The following SYT16 variants were observed in gnomAD, a reference collection of about 807,000 sequenced individuals.
SYT16 encodes synaptotagmin 16, also known as synaptotagmin-16.
Under a neutral mutation model 61.4 loss-of-function variants are expected in SYT16, and 42 were observed. The observed-to-expected ratio is 0.68, with a 90% confidence interval of 0.53 to 0.89. The LOEUF is 0.89. Ranked by LOEUF, SYT16 falls within the 40% of genes least tolerant of loss-of-function variation. SYT16 has a pLI of 0.00. For missense variants in SYT16, 804 were observed against 807.3 expected (o/e 1.00, Z 0.05); for synonymous variants, 314 against 302.3 (o/e 1.04, Z -0.40).
At chr14:62,033,425 A>C (rs1293315526) in intron 3 of SYT16, among the ~76,000 whole-genome samples, 1 of 152,122 alleles carries the variant, frequency 6.6e-6, no homozygotes, top group Non-Finnish European at 1.5e-5. Context: ...ATCAAAGGGA[A>C]TATTACTTGG....
At position 62,105,107 on chromosome 14, in the gene SYT16, G is replaced by C. The variant is rs989309494; in HGVS notation, c.*4400G>C. ...GACAGCCTAATCAGAGATAAGCCTG[G>C]TATGTGGAGGAAATTGAGCCTTAAT... is the stretch of plus-strand genomic sequence containing the variant. On this transcript the variant is annotated 3_prime_UTR_variant, in exon 8 of 8. Coordinates refer to ENST00000683842, the MANE Select transcript of SYT16 (RefSeq NM_001367656.1). 6.6e-5 allele frequency: 10 copies of C among 152,200 alleles called. No homozygotes were observed. Among genetic ancestry groups the C allele is most frequent in the African/African-American group, 2.4e-4 (10 of 41,458 alleles). The allele number at this position is 152,200 out of a possible 1,614,324, so 9.4% of individuals were successfully genotyped here.
intron 2 of SYT16, among the ~76,000 whole-genome samples, chr14:61,984,623 T>A (rs1212056554): frequency 6.6e-6 from 1 of 152,174 alleles, no homozygotes; most frequent in Non-Finnish European, 1.5e-5. Flanking sequence ...GTATTTGCTG[T>A]TCCTCAGTAA....
intron 3 of SYT16, among the ~76,000 whole-genome samples, chr14:62,059,431 A>G (rs999319158): frequency 1.4e-4 from 21 of 151,976 alleles, no homozygotes; most frequent in East Asian, 1.9e-4. Context: ...TATAAATTCT[A>G]GATAGAAGCC....
chr14:62,030,033 G>A (rs2054255046), intron 3 of SYT16, among the ~76,000 whole-genome samples: 2 of 152,114 alleles, frequency 1.3e-5, no homozygotes, highest in South Asian at 4.1e-4. Flanking sequence ...AACAGCAGCT[G>A]GTAGCTGACC....
At chr14:61,958,120 G>A (rs565437671) in intron 1 of SYT16, among the ~76,000 whole-genome samples, 66 of 151,374 alleles carry the variant, frequency 4.4e-4, no homozygotes, top group African/African-American at 1.5e-3. Flanking sequence ...TTTAATTGTA[G>A]GTTCAGTTGT....
chr14:62,080,038 C>T (rs964271767), intron 5 of SYT16, among the ~76,000 whole-genome samples: 1 of 152,238 alleles, frequency 6.6e-6, no homozygotes, highest in Non-Finnish European at 1.5e-5. Context: ...TTAAGCTAGA[C>T]TACCGAGAGG....
intron 1 of SYT16, among the ~76,000 whole-genome samples, chr14:61,930,784 G>A (rs907816802): frequency 6.6e-6 from 1 of 152,058 alleles, no homozygotes; most frequent in African/African-American, 2.4e-5. Flanking sequence ...TCAGAGTAAT[G>A]TGATATAAGA....
At chr14:61,999,720 G>T (rs2052915856) in intron 3 of SYT16, among the ~76,000 whole-genome samples, 1 of 151,406 alleles carries the variant, frequency 6.6e-6, no homozygotes, top group Non-Finnish European at 1.5e-5. Flanking sequence ...CAATGCTTTA[G>T]CTGTATCTAA....
rs117706779 is a variant in SYT16, at chr14:62,044,070, A to T, written c.524-25533A>T. Among the ~76,000 whole-genome samples, 14 of 152,208 alleles carry T rather than the reference A, an allele frequency of 9.2e-5. No individual in the cohort carries two copies. The East Asian group carries it at 2.3e-3, about 25-fold the overall frequency. On this transcript the variant is annotated intron_variant, in intron 3 of 7. Transcript: ENST00000683842. ...TTTTATGGGGGTCTTTTTCAATCAC[A>T]CATGGATCAAAAATACACAACTTGG...
chr14:62,055,921 T>G (rs868865676), intron 3 of SYT16, among the ~76,000 whole-genome samples: 2 of 152,188 alleles, frequency 1.3e-5, no homozygotes, highest in South Asian at 4.1e-4. Flanking sequence ...AGCCTCAGTC[T>G]GTGGTCGAAA....
At chr14:62,010,578 A>G (rs2053406195) in intron 3 of SYT16, among the ~76,000 whole-genome samples, 1 of 152,070 alleles carries the variant, frequency 6.6e-6, no homozygotes, top group Non-Finnish European at 1.5e-5. Flanking sequence ...TCCAGTGGTT[A>G]CTCTGGAATT....
At chr14:62,046,579 G>A (rs528993108) in intron 3 of SYT16, among the ~76,000 whole-genome samples, 1 of 152,054 alleles carries the variant, frequency 6.6e-6, no homozygotes, top group Non-Finnish European at 1.5e-5. Context: ...GGGTTTTTAT[G>A]GTTTTAGGTC....
chr14:61,966,618 T>C (rs888435207), intron 1 of SYT16, among the ~76,000 whole-genome samples: 1 of 152,214 alleles, frequency 6.6e-6, no homozygotes, highest in Non-Finnish European at 1.5e-5. Flanking sequence ...TTTATCTTTT[T>C]CCATATTTTG....
chr14:61,944,779 C>T (rs941639371), intron 1 of SYT16, among the ~76,000 whole-genome samples: 1 of 152,058 alleles, frequency 6.6e-6, no homozygotes, highest in African/African-American at 2.4e-5. Flanking sequence ...TAAAACCATA[C>T]AAACCCTAGA....
intron 3 of SYT16, among the ~76,000 whole-genome samples, chr14:62,004,124 A>C (rs1484958285): frequency 6.6e-6 from 1 of 152,166 alleles, no homozygotes; most frequent in Admixed American, 6.5e-5. Flanking sequence ...GTAATTTATA[A>C]AGAAAAAAGC....
intron 3 of SYT16, among the ~76,000 whole-genome samples, chr14:62,015,202 A>C (rs1163182855): frequency 6.6e-6 from 1 of 152,162 alleles, no homozygotes; most frequent in African/African-American, 2.4e-5. Flanking sequence ...TACCCACTCA[A>C]ATCTGTAGAC....
At chr14:61,987,743 CCTTTTT>C (rs1160336298) in intron 2 of SYT16, among the ~76,000 whole-genome samples, 1 of 16,022 alleles carries the variant, frequency 6.2e-5, no homozygotes, top group Non-Finnish European at 1.3e-4. Flanking sequence ...TGATTTTTTT[CCTTTTT>C]TTTTTTTTTA....
chr14:61,902,070 A>C (rs2048543078), intron 1 of SYT16, among the ~76,000 whole-genome samples: 5 of 152,092 alleles, frequency 3.3e-5, no homozygotes, highest in Admixed American at 3.3e-4. Flanking sequence ...ACCTGCTTAT[A>C]ATTATTGAAA....
intron 1 of SYT16, among the ~76,000 whole-genome samples, chr14:61,842,724 A>C (rs899525028): frequency 5.3e-5 from 8 of 150,310 alleles, no homozygotes; most frequent in African/African-American, 2.0e-4. Flanking sequence ...GAATTGAACA[A>C]TGAGAACACA....
Sources: allele counts gnomAD v4.1 joint callset (sites outside exome capture counted in the v4.1 genomes callset), GRCh38; gene constraint gnomAD v4.1.1; transcripts MANE v1.5; gene names NCBI Gene and HGNC (gene_info 2026-07-23, HGNC 2026-07-21).